The following MSH4 variants were observed in gnomAD, a reference collection of about 807,000 sequenced individuals.
The protein encoded by MSH4 is mutS protein homolog 4.
Under a neutral mutation model 113.7 loss-of-function variants are expected in MSH4, and 106 were observed. The observed-to-expected ratio is 0.93, with a 90% CI of 0.80 to 1.10. The LOEUF is 1.10. Among genes scored for constraint, MSH4 ranks in the 50% least tolerant of loss-of-function variants. MSH4 has a pLI of 0.00. For synonymous variants in MSH4, 368 were observed against 380.2 expected, an observed-to-expected ratio of 0.97 and a Z score of 0.37; for missense variants, 1,061 against 1,093.7, an observed-to-expected ratio of 0.97 and a Z score of 0.42.
At chr1:75,905,986 A>C (rs1206198901) in intron 19 of MSH4, among the ~76,000 whole-genome samples, 1 of 151,492 alleles carries the variant, frequency 6.6e-6, no homozygotes, top group Non-Finnish European at 1.5e-5. Context: ...GTTAGATCTT[A>C]TTTTATTTCT....
chr1:75,840,273 T>C (rs5745387), intron 7 of MSH4, among the ~76,000 whole-genome samples: 3,015 of 140,454 alleles, frequency 0.021, 94 homozygotes, highest in African/African-American at 0.075. Flanking sequence ...CCAACCCAAA[T>C]GTCCAACAAT....
intron 18 of MSH4, among the ~76,000 whole-genome samples, chr1:75,898,516 C>T (rs547630706): frequency 8.5e-5 from 11 of 130,062 alleles, no homozygotes; most frequent in South Asian, 2.4e-4. Flanking sequence ...TATTACCAAA[C>T]CATATTTTTT....
In MSH4 at chr1:75,803,825, T is replaced by C; in HGVS notation, c.339T>C (p.Asn113=). 6.2e-7 allele frequency: 1 copy of C among 1,605,476 alleles called. No homozygotes were observed. Among genetic ancestry groups the C allele is most frequent in the Non-Finnish European group, 8.5e-7 (1 of 1,176,338 alleles). ...GCTCATCTTCTGCACGAGATACTAA[T>C]TATCCTCAAACACTTAAAACTCCAT... ...GASSSSARDT[N]YPQTLKTPLS... Residue 113 remains asparagine, a synonymous_variant, in exon 2 of 20, where the codon AAT becomes AAC. Coordinates refer to ENST00000263187, the MANE Select transcript of MSH4 (RefSeq NM_002440.4).
intron 4 of MSH4, among the ~76,000 whole-genome samples, chr1:75,811,845 T>G (rs1371101078): frequency 6.6e-6 from 1 of 152,228 alleles, no homozygotes; most frequent in African/African-American, 2.4e-5. Context: ...TCCTTTCCTG[T>G]TCCTAATATA....
intron 8 of MSH4, among the ~76,000 whole-genome samples, chr1:75,850,720 TTTTTG>T (rs756957053): frequency 9.9e-5 from 15 of 152,116 alleles, no homozygotes; most frequent in African/African-American, 3.6e-4. Flanking sequence ...GTTTTACGTT[TTTTTG>T]TTTTGTTTTG....
rs148216710 is a variant in MSH4, at chr1:75,901,326, C to T, written c.2619+1620C>T. Among the ~76,000 whole-genome samples, 33 of 152,266 alleles carry T rather than the reference C, an allele frequency of 2.2e-4. No homozygotes were observed. In the East Asian group the frequency reaches 6.0e-3, roughly 28 times the overall value. On this transcript the variant is annotated intron_variant, in intron 19 of 19. Coordinates refer to ENST00000263187, the MANE Select transcript of MSH4 (RefSeq NM_002440.4). ...CATCTCCTTCCTCCTCCAAACCCTT[C>T]CTAACCTCTAGTAACCATCAATGAG... is the stretch of plus-strand genomic sequence containing the variant.
At chr1:75,854,007 G>GTATATATATA (rs150197709) in intron 8 of MSH4, among the ~76,000 whole-genome samples, 6 of 50,408 alleles carry the variant, frequency 1.2e-4, no homozygotes, top group South Asian at 1.3e-3. Flanking sequence ...GCATAAGTGT[G>GTATATATATA]TGTGTGTATA....
intron 15 of MSH4, among the ~76,000 whole-genome samples, chr1:75,888,609 C>T (rs1570991351): frequency 6.6e-6 from 1 of 151,532 alleles, no homozygotes; most frequent in Admixed American, 6.6e-5. Context: ...TTTCATATTT[C>T]TTTTTTTAAT....
At chr1:75,826,592 G>T (rs1650560119) in intron 7 of MSH4, among the ~76,000 whole-genome samples, 1 of 152,106 alleles carries the variant, frequency 6.6e-6, no homozygotes, top group Non-Finnish European at 1.5e-5. Context: ...TCTGATGTGG[G>T]CATTTAGTGC....
At chr1:75,892,179 G>T (rs908033361) in intron 17 of MSH4, among the ~76,000 whole-genome samples, 3 of 152,168 alleles carry the variant, frequency 2.0e-5, no homozygotes, top group African/African-American at 7.2e-5. Context: ...TGGAAGATCT[G>T]TTCTTTACTA....
chr1:75,885,451 A>G (rs1652055746), intron 15 of MSH4, among the ~76,000 whole-genome samples: 1 of 85,708 alleles, frequency 1.2e-5, no homozygotes, highest in Non-Finnish European at 2.1e-5. Flanking sequence ...ATACATATAT[A>G]TATATATATG....
intron 8 of MSH4, among the ~76,000 whole-genome samples, chr1:75,854,745 C>T (rs1046178117): frequency 6.6e-6 from 1 of 152,058 alleles, no homozygotes; most frequent in Admixed American, 6.6e-5. Flanking sequence ...GCTAGCCTAA[C>T]CTTTTTTTCT....
intron 19 of MSH4, among the ~76,000 whole-genome samples, chr1:75,910,740 T>C (rs1014148676): frequency 3.3e-5 from 5 of 152,170 alleles, no homozygotes; most frequent in African/African-American, 9.7e-5. Flanking sequence ...TCCATATTTC[T>C]CCTACATATC....
intron 13 of MSH4, 96 bp from the exon 14 acceptor site, chr1:75,881,150 T>G (rs1651922943): frequency 1.1e-6 from 1 of 943,416 alleles, no homozygotes; most frequent in Admixed American, 2.5e-5. Context: ...TGAATATTAT[T>G]TTACTTCAGG....
At chr1:75,893,198 A>T (rs1237661131) in intron 17 of MSH4, among the ~76,000 whole-genome samples, 1 of 152,154 alleles carries the variant, frequency 6.6e-6, no homozygotes, top group Non-Finnish European at 1.5e-5. Context: ...TAAATAACAA[A>T]AAAGCACCAA....
At chr1:75,909,654 T>G (rs1267751827) in intron 19 of MSH4, among the ~76,000 whole-genome samples, 1 of 101,334 alleles carries the variant, frequency 9.9e-6, no homozygotes, top group Non-Finnish European at 2.0e-5. Flanking sequence ...TCCCACCCCC[T>G]CCCCCCGCTG....
chr1:75,867,680 A>C, intron 9 of MSH4, 92 bp downstream of exon 9: 1 of 774,082 alleles, frequency 1.3e-6, no homozygotes, highest in Non-Finnish European at 2.1e-6. Flanking sequence ...AAATTGCAAG[A>C]ATAACATGGC....
intron 1 of MSH4, among the ~76,000 whole-genome samples, chr1:75,800,084 T>A (rs1019303269): frequency 8.6e-5 from 13 of 151,434 alleles, no homozygotes; most frequent in African/African-American, 2.9e-4. Context: ...AGTGAATGAG[T>A]TTCAAGAAAG....
rs1410160561 is a variant in MSH4, at chr1:75,807,417, T to C, written c.588+276T>C. On this transcript the variant is annotated intron_variant, in intron 3 of 19. Transcript: ENST00000263187. Reference sequence around the variant, plus strand: ...CATCTTCAAATTAATAATTTCTGGATTTATTCCAAAGGTAATATATGTGAT... The same window carrying C: ...CATCTTCAAATTAATAATTTCTGGACTTATTCCAAAGGTAATATATGTGAT... Among the ~76,000 whole-genome samples, 3 of 152,240 alleles carry C rather than the reference T, an allele frequency of 2.0e-5. No individual in the cohort carries two copies. In the East Asian group the frequency reaches 5.8e-4, roughly 29 times the overall value.
Sources: gnomAD v4.1 joint callset for allele counts (sites outside exome capture counted in the v4.1 genomes callset) on GRCh38, gnomAD v4.1.1 for gene constraint, MANE v1.5 for transcripts, NCBI Gene and HGNC (gene_info 2026-07-23, HGNC 2026-07-21) for gene names.